Variants in TRIM2 observed in about 807,000 individuals in gnomAD.
TRIM2 encodes tripartite motif containing 2.
In TRIM2, 20 loss-of-function variants were observed where a neutral mutation model predicts 75.2. The ratio of observed to expected loss-of-function variants is 0.27; its 90% CI spans 0.19 to 0.39. The LOEUF is 0.39. TRIM2 is among the 10% of genes least tolerant of loss of function. The pLI is 1.00. For synonymous variants in TRIM2, 373 were observed against 388.3 expected, an observed-to-expected ratio of 0.96 and a Z score of 0.46; for missense variants, 660 against 990.8, an observed-to-expected ratio of 0.67 and a Z score of 4.48.
intron 1 of TRIM2, among the ~76,000 whole-genome samples, chr4:153,170,566 G>A (rs544670842): frequency 6.6e-6 from 1 of 152,294 alleles, no homozygotes; most frequent in African/African-American, 2.4e-5. Flanking sequence ...AAGCTGGTTA[G>A]TACCACACAA....
chr4:153,171,609 A>AAT (rs1553958285), intron 1 of TRIM2, among the ~76,000 whole-genome samples: 5 of 148,402 alleles, frequency 3.4e-5, no homozygotes, highest in African/African-American at 7.5e-5. Flanking sequence ...AAAACAAAAA[A>AAT]ATATATATAT....
intron 1 of TRIM2, among the ~76,000 whole-genome samples, chr4:153,166,117 A>T (rs6810582): frequency 0.58 from 86,508 of 148,800 alleles, 24,716 homozygotes; most frequent in South Asian, 0.68. Flanking sequence ...GTTCTTTTTT[A>T]AAAAAAAATC....
intron 6 of TRIM2, among the ~76,000 whole-genome samples, chr4:153,311,820 A>G (rs1560994621): frequency 6.6e-6 from 1 of 150,654 alleles, no homozygotes; most frequent in Non-Finnish European, 1.5e-5. Flanking sequence ...TCAGCCTCCC[A>G]AAGTGCTGTG....
In TRIM2 at chr4:153,276,421, AT is replaced by A. The variant is rs66649712; in HGVS notation, c.453+294del. On this transcript the variant is annotated intron_variant, in intron 3 of 11. Transcript: ENST00000338700. ...ACCTACATAAACATCTGTGTAATAAATTTATGGATACGGATTTAACAATGGA... is the reference window on the plus strand; with the variant it reads ...ACCTACATAAACATCTGTGTAATAAATTATGGATACGGATTTAACAATGGA... 0.21 allele frequency: 106,523 copies of A among 498,266 alleles called. 16,335 individuals are homozygous for A. Among genetic ancestry groups the A allele is most frequent in the African/African-American group, 0.59 (30,966 of 52,546 alleles). The allele number at this position is 498,266 out of a possible 1,614,324, so 30.9% of individuals were successfully genotyped here. A position where few individuals can be genotyped will look rare whatever the true frequency, so the allele number is the denominator to read the frequency against.
chr4:153,263,343 A>G (rs1424501516), intron 1 of TRIM2, among the ~76,000 whole-genome samples: 2 of 152,150 alleles, frequency 1.3e-5, no homozygotes, highest in Non-Finnish European at 2.9e-5. Flanking sequence ...AGAAAAAAAA[A>G]AAGACTATCA....
chr4:153,319,675 A>G (rs1768488175), intron 8 of TRIM2, among the ~76,000 whole-genome samples: 1 of 152,068 alleles, frequency 6.6e-6, no homozygotes, highest in Admixed American at 6.6e-5. Flanking sequence ...GGTTGCAATG[A>G]GCTGAGATTG....
intron 1 of TRIM2, among the ~76,000 whole-genome samples, chr4:153,170,287 A>G (rs191970260): frequency 3.9e-5 from 6 of 152,356 alleles, no homozygotes; most frequent in Admixed American, 1.3e-4. Flanking sequence ...TACCATCTCT[A>G]TCACCACTTT....
intron 1 of TRIM2, among the ~76,000 whole-genome samples, chr4:153,258,265 G>A (rs1208939999): frequency 1.3e-5 from 2 of 152,094 alleles, no homozygotes; most frequent in African/African-American, 2.4e-5. Context: ...TCCGAATTCT[G>A]AATGCCATTG....
chr4:153,198,904 A>G (rs2149674579), intron 1 of TRIM2, among the ~76,000 whole-genome samples: 1 of 152,296 alleles, frequency 6.6e-6, no homozygotes, highest in East Asian at 1.9e-4. Context: ...GTTTTGGATC[A>G]AGGGTAAAAT....
intron 6 of TRIM2, among the ~76,000 whole-genome samples, chr4:153,296,402 C>A (rs1762775151): frequency 6.6e-6 from 1 of 152,206 alleles, no homozygotes; most frequent in African/African-American, 2.4e-5. Flanking sequence ...TGGCAATCCT[C>A]CCCCTAACCC....
Position 153,336,846 on chromosome 4 carries a change from G to A in TRIM2, c.*1880G>A, listed in dbSNP as rs1244478804. On this transcript the variant is annotated 3_prime_UTR_variant, in exon 12 of 12. Transcript: ENST00000338700. ...TTAGGTTTAATATTTTTTTAGTTAGGTAGAGTTTTAAAAAATACTTGAGCC... is the reference window on the plus strand; with the variant it reads ...TTAGGTTTAATATTTTTTTAGTTAGATAGAGTTTTAAAAAATACTTGAGCC... 2 of 985,130 alleles carry A rather than the reference G, an allele frequency of 2.0e-6. No individual in the cohort carries two copies. The allele number at this position is 985,130 out of a possible 1,614,324, so 61.0% of individuals were successfully genotyped here.
chr4:153,335,712 G>A lies in TRIM2; in HGVS notation c.*746G>A. On this transcript the variant is annotated 3_prime_UTR_variant, in exon 12 of 12. Transcript: ENST00000338700. ...ATGCCTTGAAAAGCATATTACAAAA[G>A]TAATGCTACCTTTTGGGAAACAAAC... 1.0e-6 allele frequency: 1 copy of A among 985,630 alleles called. No homozygotes were observed. The allele number at this position is 985,630 out of a possible 1,614,324, so 61.1% of individuals were successfully genotyped here.
intron 3 of TRIM2, among the ~76,000 whole-genome samples, chr4:153,276,736 G>A (rs75007826): frequency 0.013 from 1,909 of 152,270 alleles, 27 homozygotes; most frequent in African/African-American, 0.044. Context: ...TAGCGTCTAA[G>A]GACATTGGCT....
chr4:153,237,196 T>A (rs1745255102), intron 1 of TRIM2, among the ~76,000 whole-genome samples: 2 of 152,150 alleles, frequency 1.3e-5, no homozygotes, highest in African/African-American at 4.8e-5. Context: ...TTAAATATAT[T>A]TCTTCTACAT....
At chr4:153,204,194 G>A (rs114737503), upstream of TRIM2, among the ~76,000 whole-genome samples, 903 of 152,280 alleles carry the variant, frequency 5.9e-3, 10 homozygotes, top group African/African-American at 0.021. Flanking sequence ...GTCTTCTGTG[G>A]GCAGTGATTT....
At chr4:153,283,642 C>CTTT (rs766776861) in intron 3 of TRIM2, among the ~76,000 whole-genome samples, 2 of 124,582 alleles carry the variant, frequency 1.6e-5, no homozygotes, top group African/African-American at 6.5e-5. Flanking sequence ...TGTTTTTTTT[C>CTTT]TTTTTTTTTT....
chr4:153,184,345 G>A (rs924363409), intron 1 of TRIM2, among the ~76,000 whole-genome samples: 1 of 152,142 alleles, frequency 6.6e-6, no homozygotes, highest in African/African-American at 2.4e-5. Context: ...ATGTGCACAC[G>A]TGGAGAGAGA....
intron 1 of TRIM2, among the ~76,000 whole-genome samples, chr4:153,163,341 A>G (rs1332523370): frequency 1.3e-5 from 2 of 151,952 alleles, no homozygotes; most frequent in Non-Finnish European, 2.9e-5. Context: ...ATGAGCCACC[A>G]TGCCTGGCTA....
intron 1 of TRIM2, among the ~76,000 whole-genome samples, chr4:153,247,718 C>A (rs1749653438): frequency 6.8e-6 from 1 of 146,744 alleles, no homozygotes; most frequent in Admixed American, 6.8e-5. Flanking sequence ...AGGCATATCT[C>A]TTCTGATTTT....
Sources: gnomAD v4.1 joint callset for allele counts (sites outside exome capture counted in the v4.1 genomes callset) on GRCh38, gnomAD v4.1.1 for gene constraint, MANE v1.5 for transcripts, NCBI Gene and HGNC (gene_info 2026-07-23, HGNC 2026-07-21) for gene names.